The following ZNF532 variants were observed in gnomAD, a reference collection of about 807,000 sequenced individuals.
ZNF532 encodes the protein zinc finger protein 532.
In ZNF532, 22 loss-of-function variants were observed where a neutral mutation model predicts 89.3. The ratio of observed to expected loss-of-function variants is 0.25; its 90% confidence interval spans 0.18 to 0.35. ZNF532 has a LOEUF of 0.35. Ranked by LOEUF, ZNF532 falls within the 10% of genes least tolerant of loss-of-function variation. ZNF532 has a pLI of 1.00. For synonymous variants in ZNF532, 606 were observed against 649.6 expected (o/e 0.93, Z 1.02); for missense variants, 1,132 against 1,643.4 (o/e 0.69, Z 5.38).
In ZNF532 at chr18:58,867,672, G is replaced by A. The variant is rs566867907; in HGVS notation, c.-18+2093G>A. ...AGTGCCTGTAGCAGGCTCTAAAGACGACCTGCGGTCCATCCCCTCCGGAGC... is the reference window on the plus strand; with the variant it reads ...AGTGCCTGTAGCAGGCTCTAAAGACAACCTGCGGTCCATCCCCTCCGGAGC... On this transcript the variant is annotated intron_variant, in intron 2 of 9. Transcript: ENST00000591808. Among the ~76,000 whole-genome samples the A allele has an allele frequency of 5.9e-5, 9 of 152,326 alleles. No homozygotes were observed. In the South Asian group the frequency reaches 1.0e-3, roughly 18 times the overall value.
At chr18:58,895,893 G>A (rs915278205) in intron 2 of ZNF532, among the ~76,000 whole-genome samples, 21 of 149,254 alleles carry the variant, frequency 1.4e-4, no homozygotes, top group South Asian at 4.2e-4. Context: ...CTCTGTCGAC[G>A]AGGCTGTACT....
intron 5 of ZNF532, among the ~76,000 whole-genome samples, chr18:58,940,673 C>T (rs1568375793): frequency 6.6e-6 from 1 of 152,152 alleles, no homozygotes; most frequent in African/African-American, 2.4e-5. Flanking sequence ...ACAACAGTGC[C>T]TGTGTCTGGA....
intron 7 of ZNF532, chr18:58,954,277 T>TA (rs2064523184): frequency 1.0e-6 from 1 of 987,364 alleles, no homozygotes; most frequent in Non-Finnish European, 1.2e-6. Context: ...AGAAGCTCTG[T>TA]AACTCCAAGT....
intron 6 of ZNF532, among the ~76,000 whole-genome samples, chr18:58,951,646 GTTTTTTTTT>G (rs3039758): frequency 8.3e-5 from 6 of 72,592 alleles, no homozygotes; most frequent in African/African-American, 3.8e-4. Flanking sequence ...TCGCCCTGTT[GTTTTTTTTT>G]TTTTTTTTTT....
intron 7 of ZNF532, among the ~76,000 whole-genome samples, chr18:58,960,179 G>T (rs2065214551): frequency 6.6e-6 from 1 of 152,112 alleles, no homozygotes; most frequent in Non-Finnish European, 1.5e-5. Context: ...CCTCAAGTGG[G>T]ATTACAGGCA....
intron 2 of ZNF532, among the ~76,000 whole-genome samples, chr18:58,888,741 T>TCTTATATATATATAAAATATATATATAA (rs1226823500): frequency 3.3e-5 from 1 of 30,442 alleles, no homozygotes; most frequent in Non-Finnish European, 5.0e-5. Flanking sequence ...TATATATATA[T>TCTTATATATATATAAAATATATATATAA]TTTATATATA....
chr18:58,918,438 T>A lies in ZNF532; in HGVS notation c.151T>A (p.Ser51Thr). ...MKQNAHGEDD[S>T]HAPSSSDVGV... ...GCAGAATGCTCACGGAGAGGATGAC[T>A]CCCACGCACCATCATCTTCTGATGT... The change falls in exon 3 of 10, where the codon TCC (serine) becomes ACC (threonine). Residue 51 changes from serine (S) to threonine (T), a missense_variant. By Grantham distance (58) the Ser-to-Thr change is moderately conservative. Around this residue, in one of 9 missense-constraint regions of ZNF532, gnomAD observed 302 missense variants for 319.8 expected, o/e 0.94. Coordinates refer to ENST00000591808, the MANE Select transcript of ZNF532 (RefSeq NM_001375912.1). 5 of 1,614,154 alleles carry A rather than the reference T, an allele frequency of 3.1e-6. No homozygotes were observed. Among genetic ancestry groups the A allele is most frequent in the Non-Finnish European group, 4.2e-6 (5 of 1,180,038 alleles).
chr18:58,888,697 TTATA>T (rs71336305), intron 2 of ZNF532, among the ~76,000 whole-genome samples: 2 of 45,336 alleles, frequency 4.4e-5, no homozygotes, highest in African/African-American at 1.2e-4. Context: ...AAAAAAAAAA[TTATA>T]TATATATATA....
chr18:58,981,420 G>A, intron 8 of ZNF532, 50 bp from the exon 9 acceptor site: 1 of 1,589,984 alleles, frequency 6.3e-7, no homozygotes, highest in South Asian at 1.2e-5. Flanking sequence ...TCTTCCACAG[G>A]AGCTTATTTT....
intron 7 of ZNF532, among the ~76,000 whole-genome samples, chr18:58,978,844 A>T (rs1387594687): frequency 6.6e-6 from 1 of 152,234 alleles, no homozygotes; most frequent in Admixed American, 6.5e-5. Context: ...TTTATAAAAT[A>T]ATTTTAATTT....
chr18:58,882,227 CTT>C (rs1033919111), intron 2 of ZNF532, among the ~76,000 whole-genome samples: 27 of 152,150 alleles, frequency 1.8e-4, no homozygotes, highest in African/African-American at 6.5e-4. Flanking sequence ...GGTGGAGTCT[CTT>C]TAGAAATACT....
chr18:58,934,410 G>A (rs1167389637), intron 3 of ZNF532, 23 bp from the exon 4 acceptor site: 1 of 1,608,596 alleles, frequency 6.2e-7, no homozygotes, highest in African/African-American at 1.3e-5. Context: ...GACCAACCCT[G>A]TTTCCCCCTT....
At chr18:58,924,939 A>T (rs1396880441) in intron 3 of ZNF532, among the ~76,000 whole-genome samples, 1 of 152,226 alleles carries the variant, frequency 6.6e-6, no homozygotes, top group Non-Finnish European at 1.5e-5. Flanking sequence ...GTTGTTGCGT[A>T]TATCAATAGT....
Position 58,919,637 on chromosome 18 carries a change from T to A in ZNF532, c.1350T>A (p.Thr450=). 6.2e-7 allele frequency: 1 copy of A among 1,614,094 alleles called. No homozygotes were observed. Among genetic ancestry groups the A allele is most frequent in the Non-Finnish European group, 8.5e-7 (1 of 1,180,032 alleles). Residue 450 remains threonine, a synonymous_variant, in exon 3 of 10, where the codon ACT becomes ACA. Transcript: ENST00000591808. This position sits in a 1 kb window ranked among gnomAD's most constrained non-coding sequence, Gnocchi z 6.1. The part of the protein sequence containing the change: ...PKQVTIKPVA[T]AFLPVSAVKT... ...AGGTCACAATCAAGCCTGTGGCTAC[T>A]GCTTTCCTCCCAGTGTCTGCTGTGA...
At chr18:58,911,584 G>T (rs1220329859) in intron 2 of ZNF532, among the ~76,000 whole-genome samples, 1 of 152,160 alleles carries the variant, frequency 6.6e-6, no homozygotes, top group African/African-American at 2.4e-5. Flanking sequence ...GCTGAGTGTG[G>T]CGGTGCTTGT....
chr18:58,974,259 C>CA (rs1330337108), intron 7 of ZNF532, among the ~76,000 whole-genome samples: 4 of 152,162 alleles, frequency 2.6e-5, no homozygotes, highest in Non-Finnish European at 4.4e-5. Flanking sequence ...CAAGTATTAG[C>CA]ATATATGCAT....
intron 2 of ZNF532, among the ~76,000 whole-genome samples, chr18:58,904,373 T>C (rs1166938141): frequency 6.6e-6 from 1 of 151,632 alleles, no homozygotes; most frequent in South Asian, 2.1e-4. Context: ...AAATAATGTA[T>C]ATGGTTAAGA....
At chr18:58,967,814 C>T (rs1346002301) in intron 7 of ZNF532, among the ~76,000 whole-genome samples, 2 of 152,210 alleles carry the variant, frequency 1.3e-5, no homozygotes, top group Non-Finnish European at 2.9e-5. Context: ...TAGATTTGCA[C>T]CTTCTACCTT....
intron 2 of ZNF532, among the ~76,000 whole-genome samples, chr18:58,896,940 G>A (rs893082591): frequency 5.9e-5 from 9 of 152,214 alleles, no homozygotes; most frequent in Non-Finnish European, 2.9e-5. Flanking sequence ...AAAGCAGGCA[G>A]CCCAGCGAGG....
Sources: allele counts gnomAD v4.1 joint callset (sites outside exome capture counted in the v4.1 genomes callset), GRCh38; gene constraint gnomAD v4.1.1; regional missense constraint gnomAD v4.1.1; non-coding constraint Gnocchi (gnomAD v3.1); transcripts MANE v1.5; gene names NCBI Gene and HGNC (gene_info 2026-07-23, HGNC 2026-07-21).